IGSF10: variants seen among roughly 807,000 people sequenced by gnomAD.
IGSF10 encodes the protein immunoglobulin superfamily member 10.
Under a neutral mutation model 128.2 loss-of-function variants are expected in IGSF10, and 126 were observed. The ratio of observed to expected loss-of-function variants is 0.98; its 90% CI spans 0.85 to 1.14. The LOEUF (loss-of-function observed/expected upper bound fraction) is 1.14, where lower values mean the gene tolerates loss of function less well. Among genes scored for constraint, IGSF10 ranks in the 50% most tolerant of loss-of-function variants. The pLI is 0.00. For synonymous variants in IGSF10, 1,185 were observed against 1,146.2 expected (o/e 1.03, Z -0.68); for missense variants, 3,295 against 3,149.8 (o/e 1.05, Z -1.10).
chr3:151,518,840 A>G, the IGSF10 span, among the ~76,000 whole-genome samples: 5 of 152,044 alleles, frequency 3.3e-5, no homozygotes, highest in East Asian at 7.7e-4. Context: ...GAGACGTTCT[A>G]AAGAGTACGC....
the IGSF10 span, among the ~76,000 whole-genome samples, chr3:151,476,720 T>C: frequency 6.6e-6 from 1 of 152,166 alleles, no homozygotes; most frequent in African/African-American, 2.4e-5. Flanking sequence ...CCCTCCAGTT[T>C]TGTTGAGACA....
chr3:151,520,460 T>C, the IGSF10 span, among the ~76,000 whole-genome samples: 10 of 151,738 alleles, frequency 6.6e-5, no homozygotes, highest in Admixed American at 6.6e-4. Context: ...GGTAGAAGTA[T>C]TCTGATTAAA....
chr3:151,529,759 G>A, the IGSF10 span, among the ~76,000 whole-genome samples: 1 of 152,094 alleles, frequency 6.6e-6, no homozygotes, highest in Non-Finnish European at 1.5e-5. Flanking sequence ...GGAGAAACCA[G>A]CGCAAAAAGG....
At chr3:151,522,688 A>G in the IGSF10 span, among the ~76,000 whole-genome samples, 3 of 152,200 alleles carry the variant, frequency 2.0e-5, no homozygotes, top group Non-Finnish European at 2.9e-5. Flanking sequence ...AAAATACCTC[A>G]AGATAATAAG....
Position 151,443,724 on chromosome 3 carries a change from A to T in IGSF10, c.5223T>A (p.Val1741=). 6.2e-7 allele frequency: 1 copy of T among 1,614,158 alleles called. No individual in the cohort carries two copies. Reference sequence around the variant, plus strand: ...TCTCCAGGATCCTGGGAGGATAGGAAACCACAGACAAGGTGACATGAAGGT... The same window carrying T: ...TCTCCAGGATCCTGGGAGGATAGGATACCACAGACAAGGTGACATGAAGGT... ...TDHLHVTLSV[V]SYPPRILERR... Residue 1741 remains valine (V), a synonymous_variant, in exon 7 of 8, where the codon GTT becomes GTA. Coordinates refer to ENST00000282466, the MANE Select transcript of IGSF10 (RefSeq NM_178822.5).
the IGSF10 span, among the ~76,000 whole-genome samples, chr3:151,497,690 C>A: frequency 6.6e-6 from 1 of 151,714 alleles, no homozygotes; most frequent in African/African-American, 2.4e-5. Flanking sequence ...AACTTTAAAG[C>A]AGTTTTTTTC....
chr3:151,444,916 T>G lies in IGSF10; in HGVS notation c.5062+3A>C. On this transcript the variant is annotated splice_donor_region_variant and intron_variant, in intron 6 of 7. Transcript: ENST00000282466. The stretch of plus-strand genomic sequence containing the variant: ...CTAAGTGTAAAGAAAAAGTTTCACA[T>G]ACCTGATGGGACTCTGGTCCAATGA... The G allele has an allele frequency of 6.3e-7, 1 of 1,577,784 alleles. No homozygotes were observed. Among genetic ancestry groups the G allele is most frequent in the Non-Finnish European group, 8.6e-7 (1 of 1,166,306 alleles).
chr3:151,527,238 C>CTAA, the IGSF10 span, among the ~76,000 whole-genome samples: 1 of 152,172 alleles, frequency 6.6e-6, no homozygotes, highest in South Asian at 2.1e-4. Flanking sequence ...CTCACCTAAC[C>CTAA]TAATAGGCCC....
chr3:151,579,635 T>TG, the IGSF10 span, among the ~76,000 whole-genome samples: 2 of 149,302 alleles, frequency 1.3e-5, no homozygotes, highest in Non-Finnish European at 3.0e-5. Context: ...TCAAAAACTG[T>TG]GGGGCAATGT....
the IGSF10 span, among the ~76,000 whole-genome samples, chr3:151,514,202 A>T: frequency 0.026 from 3,987 of 151,990 alleles, 115 homozygotes; most frequent in East Asian, 0.16. Context: ...GGAGGCATCA[A>T]GCTACCTGAC....
the IGSF10 span, among the ~76,000 whole-genome samples, chr3:151,572,155 C>T: frequency 5.9e-5 from 9 of 152,308 alleles, no homozygotes; most frequent in South Asian, 1.9e-3. Flanking sequence ...CATTGATGAT[C>T]ATCAGGGATA....
Position 151,436,224 on chromosome 3 carries a change from AAAAT to A in IGSF10, c.*461_*464del. The A allele has an allele frequency of 6.5e-6, 1 of 153,874 alleles. No individual in the cohort carries two copies. Among genetic ancestry groups the A allele is most frequent in the South Asian group, 2.0e-4 (1 of 4,944 alleles). The allele number at this position is 153,874 out of a possible 1,614,324, so 9.5% of individuals were successfully genotyped here. ...CTTATTTTCTGTAGGTTTTAGCAAA[AAAAT>A]TTATAAACCACAAAATATTTATACA... On this transcript the variant is annotated 3_prime_UTR_variant, in exon 8 of 8. Coordinates refer to ENST00000282466, the MANE Select transcript of IGSF10 (RefSeq NM_178822.5).
chr3:151,438,516 C>G lies in IGSF10; in HGVS notation c.6045G>C (p.Leu2015Phe). ...CCCCCATTTTGTTTCTTGCCACACACAAGTAGACACCACTGTCTTTTTCTG... is the reference window on the plus strand; with the variant it reads ...CCCCCATTTTGTTTCTTGCCACACAGAAGTAGACACCACTGTCTTTTTCTG... ...SVTEKDSGVYLCVARNKMGDD... is the reference protein window; with the variant it reads ...SVTEKDSGVYFCVARNKMGDD... Residue 2015 changes from leucine (L) to phenylalanine (F), a missense_variant, in exon 8 of 8, where the codon TTG becomes TTC. Leu to Phe is a conservative substitution (Grantham distance 22). Transcript: ENST00000282466. The G allele has an allele frequency of 6.2e-7, 1 of 1,614,072 alleles. No individual in the cohort carries two copies. The highest frequency in any genetic ancestry group is 1.1e-5 in the South Asian group (1 of 91,084).
chr3:151,564,651 C>T, the IGSF10 span, among the ~76,000 whole-genome samples: 31 of 152,170 alleles, frequency 2.0e-4, no homozygotes, highest in Non-Finnish European at 3.7e-4. Context: ...TACCAGTTTG[C>T]TTTGCTTGAT....
chr3:151,480,469 G>A, the IGSF10 span, among the ~76,000 whole-genome samples: 4 of 152,210 alleles, frequency 2.6e-5, no homozygotes, highest in East Asian at 7.7e-4. Flanking sequence ...TAGAGTCCAC[G>A]CACTGAGCTA....
At chr3:151,585,165 T>C in the IGSF10 span, among the ~76,000 whole-genome samples, 57 of 152,298 alleles carry the variant, frequency 3.7e-4, no homozygotes, top group African/African-American at 1.2e-3. Flanking sequence ...GCTGTTAATA[T>C]AATTTGAAAG....
In IGSF10 at chr3:151,453,521, G is replaced by A. The variant is rs1721618462; in HGVS notation, c.578C>T (p.Ser193Phe). Residue 193 changes from serine to phenylalanine, a missense_variant, in exon 5 of 8, where the codon TCT becomes TTT. Coordinates refer to ENST00000282466, the MANE Select transcript of IGSF10 (RefSeq NM_178822.5). ...AGGGAGGGAGGTCAGGAAGTTATCA[G>A]ACAAGTATAGGAACTTAATGAAAGA... ...KISFIKFLYL[S>F]DNFLTSLPQE... 6.2e-7 allele frequency: 1 copy of A among 1,614,132 alleles called. No individual in the cohort carries two copies. Among genetic ancestry groups the A allele is most frequent in the South Asian group, 1.1e-5 (1 of 91,084 alleles).
At chr3:151,511,863 A>G in the IGSF10 span, among the ~76,000 whole-genome samples, 2 of 152,244 alleles carry the variant, frequency 1.3e-5, no homozygotes, top group African/African-American at 4.8e-5. Flanking sequence ...AAAAGAGACA[A>G]AGAAGGCCAT....
At chr3:151,453,336 C>A (rs1389266324) in intron 5 of IGSF10, 48 bp downstream of exon 5, 6 of 1,454,452 alleles carry the variant, frequency 4.1e-6, no homozygotes, top group Non-Finnish European at 5.6e-6. Context: ...TACCTCCAAG[C>A]AGATTTCCTC....
Sources: gnomAD v4.1 joint callset for allele counts (sites outside exome capture counted in the v4.1 genomes callset) on GRCh38, gnomAD v4.1.1 for gene constraint, MANE v1.5 for transcripts, NCBI Gene and HGNC (gene_info 2026-07-23, HGNC 2026-07-21) for gene names.